The following COLEC11 variants were observed in gnomAD, a reference collection of about 807,000 sequenced individuals.
The protein encoded by COLEC11 is collectin subfamily member 11, also known as collectin-11.
Under a neutral mutation model 27.3 loss-of-function variants are expected in COLEC11, and 20 were observed. The ratio of observed to expected loss-of-function variants is 0.73; its 90% CI spans 0.51 to 1.06. COLEC11 has a LOEUF of 1.06. Ranked by LOEUF, COLEC11 falls within the 50% of genes least tolerant of loss-of-function variation. The pLI, the probability that COLEC11 is intolerant of heterozygous loss-of-function variation, is 0.00. For synonymous variants in COLEC11, 163 were observed against 154.7 expected (o/e 1.05, Z -0.40); for missense variants, 310 against 383.0 (o/e 0.81, Z 1.59).
At chr2:3,632,688 T>G (rs867001316) in intron 3 of COLEC11, among the ~76,000 whole-genome samples, 2 of 152,234 alleles carry the variant, frequency 1.3e-5, no homozygotes, top group Non-Finnish European at 2.9e-5. Context: ...CTAGGGACGT[T>G]GTGAAGCTGA....
chr2:3,616,726 C>T (rs1033755279), intron 3 of COLEC11, among the ~76,000 whole-genome samples: 9 of 151,980 alleles, frequency 5.9e-5, no homozygotes, highest in Non-Finnish European at 1.2e-4. Flanking sequence ...CCAGCTTCGG[C>T]TCAGCATCAA....
At chr2:3,622,206 G>A (rs1405658321) in intron 3 of COLEC11, among the ~76,000 whole-genome samples, 1 of 151,566 alleles carries the variant, frequency 6.6e-6, no homozygotes, top group Non-Finnish European at 1.5e-5. Context: ...TTAGCTGGGT[G>A]GTATGTGCCT....
chr2:3,607,449 C>G (rs1199360725), intron 2 of COLEC11, among the ~76,000 whole-genome samples: 1 of 109,172 alleles, frequency 9.2e-6, no homozygotes, highest in Non-Finnish European at 1.8e-5. Context: ...TTTTTTTTTG[C>G]TTTTTTTTTT....
rs1558496568 is a variant in COLEC11 at position 3,613,365 on chromosome 2, GC to G, written c.189del (p.Thr64ArgfsTer37). On this transcript the variant is annotated frameshift_variant, in exon 3 of 7. Coordinates refer to ENST00000349077, the MANE Select transcript of COLEC11 (RefSeq NM_024027.5). LOFTEE classifies it high-confidence loss of function. The stretch of plus-strand genomic sequence containing the variant: ...GCCCCCGGACGGCCTGGAAGAGTCG[GC>G]CCCACGGGAGAAAAAGGTACCTGCA... ...KGAPGRPGRV[G>X]PTGEKGDMGD... 2 of 1,603,630 alleles carry G rather than the reference GC, an allele frequency of 1.2e-6. No homozygotes were observed. Among genetic ancestry groups the G allele is most frequent in the Non-Finnish European group, 1.7e-6 (2 of 1,175,246 alleles).
At chr2:3,608,409 A>G (rs1205232031) in intron 2 of COLEC11, among the ~76,000 whole-genome samples, 2 of 152,074 alleles carry the variant, frequency 1.3e-5, no homozygotes, top group African/African-American at 4.8e-5. Context: ...CTGGGTCTAC[A>G]TTACAAAATG....
chr2:3,604,604 C>T, intron 2 of COLEC11, 134 bp downstream of exon 2: 1 of 978,590 alleles, frequency 1.0e-6, no homozygotes, highest in Non-Finnish European at 1.6e-6. Context: ...GTCTCAGTTT[C>T]CCCATCTGGA....
chr2:3,624,560 T>C lies in COLEC11; in HGVS notation c.202+11178T>C, dbSNP rs370041727. ...CTTACTACACTTTCACTTACTCCAGTGGGAAAAAACATGGGCCAAGGGGGT... is the reference window on the plus strand; with the variant it reads ...CTTACTACACTTTCACTTACTCCAGCGGGAAAAAACATGGGCCAAGGGGGT... On this transcript the variant is annotated intron_variant, in intron 3 of 6. Transcript: ENST00000349077. Among the ~76,000 whole-genome samples, 9 of 152,226 alleles carry C rather than the reference T, an allele frequency of 5.9e-5. No individual in the cohort carries two copies. In the East Asian group the frequency reaches 9.7e-4, roughly 16 times the overall value.
At position 3,595,174 on chromosome 2, in the gene COLEC11, A is replaced by G. The variant is rs1164837667; in HGVS notation, c.-27+6A>G. On this transcript the variant is annotated splice_donor_region_variant and intron_variant, in intron 1 of 6. Coordinates refer to ENST00000349077, the MANE Select transcript of COLEC11 (RefSeq NM_024027.5). Reference sequence around the variant, plus strand: ...TTCGCCTAGCGCGTGCTCAGGTAGGAGACTCTGCCCGGGGCTGCAGCTGAG... The same window carrying G: ...TTCGCCTAGCGCGTGCTCAGGTAGGGGACTCTGCCCGGGGCTGCAGCTGAG... 1 of 328,462 alleles carries G rather than the reference A, an allele frequency of 3.0e-6. No homozygotes were observed. The highest frequency in any genetic ancestry group is 3.9e-5 in the Admixed American group (1 of 25,928). 20.3% of individuals were successfully genotyped at this position (328,462 alleles called of 1,614,324 possible). A position where few individuals can be genotyped will look rare whatever the true frequency, so the allele number is the denominator to read the frequency against.
At chr2:3,633,450 T>G (rs1665157752) in intron 3 of COLEC11, among the ~76,000 whole-genome samples, 2 of 152,224 alleles carry the variant, frequency 1.3e-5, no homozygotes, top group African/African-American at 4.8e-5. Context: ...GGCACCTGTC[T>G]CCGGCGAGTA....
At chr2:3,643,590 C>T (rs775554318) in intron 6 of COLEC11, 51 bp downstream of exon 6, 29 of 1,598,298 alleles carry the variant, frequency 1.8e-5, no homozygotes, top group Non-Finnish European at 2.5e-5. Context: ...CCAGCCCTGT[C>T]CTGAGCCCCC....
intron 3 of COLEC11, chr2:3,617,809 G>A: frequency 4.0e-6 from 3 of 746,152 alleles, no homozygotes; most frequent in Non-Finnish European, 7.0e-6. Context: ...ATTCCCACCA[G>A]CAATGTCTAA....
At chr2:3,618,359 G>T (rs1250079475) in intron 3 of COLEC11, among the ~76,000 whole-genome samples, 3 of 152,132 alleles carry the variant, frequency 2.0e-5, no homozygotes, top group African/African-American at 4.8e-5. Flanking sequence ...ATTTTGAGCT[G>T]ATTTTTATGT....
Position 3,625,760 on chromosome 2 carries a change from G to A in COLEC11, c.203-11773G>A, listed in dbSNP as rs1044487910. Among the ~76,000 whole-genome samples the A allele has an allele frequency of 6.7e-5, 10 of 149,426 alleles. No individual in the cohort carries two copies. The East Asian group carries it at 2.1e-3, about 31-fold the overall frequency. ...TGATTCTCCTGCCTCAGCCTCCTGA[G>A]TATCTGGGATTACAGGCGCCCACCA... On this transcript the variant is annotated intron_variant, in intron 3 of 6. Transcript: ENST00000349077.
chr2:3,634,399 C>T (rs185633958), intron 3 of COLEC11, among the ~76,000 whole-genome samples: 12 of 152,294 alleles, frequency 7.9e-5, no homozygotes, highest in African/African-American at 1.9e-4. Context: ...GCTGGCTGGG[C>T]GGACCCAGCA....
Position 3,613,313 on chromosome 2 carries a change from G to C in COLEC11, c.133G>C (p.Asp45His), listed in dbSNP as rs760085713. 7.5e-6 allele frequency: 12 copies of C among 1,609,680 alleles called. No homozygotes were observed. The highest frequency in any genetic ancestry group is 6.7e-5 in the South Asian group (6 of 89,960). The part of the protein sequence containing the change: ...VQILVPGLKG[D>H]AGEKGDKGAP... ...AATGGATGTGACTTCTTCCACAGGG[G>C]ATGCGGGAGAGAAGGGAGACAAAGG... is the stretch of plus-strand genomic sequence containing the variant. The change falls in exon 3 of 7, where the codon GAT becomes CAT. Residue 45 changes from aspartate to histidine, a missense_variant and splice_region_variant. Asp to His is a moderately conservative substitution (Grantham distance 81). Transcript: ENST00000349077.
chr2:3,601,107 G>A lies in COLEC11; in HGVS notation c.-26-3208G>A, dbSNP rs535597461. ...GGATGTTTGAAGAAAGGGGGATGTG[G>A]GCAGTTTCTGAATTAACCCCTTTTT... On this transcript the variant is annotated intron_variant, in intron 1 of 6. Transcript: ENST00000349077. Among the ~76,000 whole-genome samples the A allele has an allele frequency of 1.6e-3, 241 of 152,270 alleles. 2 individuals are homozygous for A. Among genetic ancestry groups the A allele is most frequent in the African/African-American group, 5.2e-3 (218 of 41,560 alleles).
rs1170019690 is a variant in COLEC11 at position 3,602,712 on chromosome 2, C to T, written c.-26-1603C>T. Among the ~76,000 whole-genome samples the T allele has an allele frequency of 2.0e-5, 3 of 152,216 alleles. 1 individual carries two copies. The highest frequency in any genetic ancestry group is 2.9e-5 in the Non-Finnish European group (2 of 68,038). ...CAGAGCAACCCCCAAAGCTGCTGGG[C>T]GCCGGCTCCTGTCTCCTGTCCTCTG... On this transcript the variant is annotated intron_variant, in intron 1 of 6. Transcript: ENST00000349077. The surrounding 1 kb of genome is among the most constrained non-coding windows in gnomAD (Gnocchi z 6.2).
chr2:3,629,962 ATG>A (rs1416518655), intron 3 of COLEC11, among the ~76,000 whole-genome samples: 2 of 152,306 alleles, frequency 1.3e-5, no homozygotes, highest in East Asian at 3.9e-4. Context: ...GTTACATGCT[ATG>A]TGTGGTTGTA....
chr2:3,625,663 C>T lies in COLEC11; in HGVS notation c.203-11870C>T, dbSNP rs201301656. ...TTTTTTTGAGACAGAGTCTCACTCT[C>T]GCTCTGTTGTCAAGGCTGGAGTACA... On this transcript the variant is annotated intron_variant, in intron 3 of 6. Transcript: ENST00000349077. Among the ~76,000 whole-genome samples, 59 of 115,162 alleles carry T rather than the reference C, an allele frequency of 5.1e-4. No homozygotes were observed. In the East Asian group the frequency reaches 9.4e-3, roughly 18 times the overall value. 75.6% of individuals were successfully genotyped at this position (115,162 alleles called of 152,430 possible).
Sources: gnomAD v4.1 joint callset for allele counts (sites outside exome capture counted in the v4.1 genomes callset) on GRCh38, gnomAD v4.1.1 for gene constraint, Gnocchi (gnomAD v3.1) non-coding constraint, MANE v1.5 for transcripts, NCBI Gene and HGNC (gene_info 2026-07-23, HGNC 2026-07-21) for gene names.